Variants in XPR1 observed in about 807,000 individuals in gnomAD.
XPR1 encodes the protein solute carrier family 53 member 1.
In XPR1, 28 loss-of-function variants were observed where a neutral mutation model predicts 87.5. That is an observed-to-expected ratio of 0.32 (90% CI 0.24 to 0.44). The LOEUF (loss-of-function observed/expected upper bound fraction) is 0.44. XPR1 is among the 20% of genes least tolerant of loss of function. XPR1 has a pLI of 1.00. For synonymous variants in XPR1, 300 were observed against 306.1 expected (o/e 0.98, Z 0.21); for missense variants, 559 against 862.3 (o/e 0.65, Z 4.41).
At chr1:180,876,657 C>G (rs1164985392) in intron 13 of XPR1, among the ~76,000 whole-genome samples, 2 of 151,102 alleles carry the variant, frequency 1.3e-5, no homozygotes, top group East Asian at 3.9e-4. Flanking sequence ...AAGAAAGAAA[C>G]CTGTCTCACT....
intron 7 of XPR1, among the ~76,000 whole-genome samples, chr1:180,811,983 G>A (rs1650233627): frequency 6.6e-6 from 1 of 152,084 alleles, no homozygotes; most frequent in African/African-American, 2.4e-5. Context: ...AAAGAGATAG[G>A]AAGGATTCCT....
intron 2 of XPR1, among the ~76,000 whole-genome samples, chr1:180,684,894 A>G (rs1232134165): frequency 6.6e-6 from 1 of 152,184 alleles, no homozygotes; most frequent in Non-Finnish European, 1.5e-5. Flanking sequence ...GGCTGAGACG[A>G]TGAGGTTTTC....
chr1:180,640,189 C>G (rs568045154), intron 1 of XPR1, among the ~76,000 whole-genome samples: 1 of 152,216 alleles, frequency 6.6e-6, no homozygotes, highest in African/African-American at 2.4e-5. Flanking sequence ...TAAATGGAAC[C>G]AGAATTTGAA....
In XPR1 at chr1:180,834,976, A is replaced by C; in HGVS notation, c.1237A>C (p.Met413Leu). The C allele has an allele frequency of 6.2e-7, 1 of 1,614,120 alleles. No individual in the cohort carries two copies. Among genetic ancestry groups the C allele is most frequent in the Non-Finnish European group, 8.5e-7 (1 of 1,180,014 alleles). The change falls in exon 10 of 15, where the codon ATG (methionine) becomes CTG (leucine). Residue 413 changes from methionine (M) to leucine (L), a missense_variant. Met to Leu is a conservative substitution (Grantham distance 15). Coordinates refer to ENST00000367590, the MANE Select transcript of XPR1 (RefSeq NM_004736.4). ...LSVILMDLEY[M>L]ICFYSLELKW... Reference sequence around the variant, plus strand: ...AGTGATACTGATGGACCTGGAATATATGATCTGCTTCTACAGTTTGGAGCT... The same window carrying C: ...AGTGATACTGATGGACCTGGAATATCTGATCTGCTTCTACAGTTTGGAGCT...
chr1:180,830,967 TA>T (rs35823570), intron 9 of XPR1, among the ~76,000 whole-genome samples: 72,413 of 151,798 alleles, frequency 0.48, 17,730 homozygotes, highest in African/African-American at 0.5. Flanking sequence ...AATGCTTGCA[TA>T]AAGCCTTGAG....
chr1:180,844,250 T>G (rs982855849), intron 11 of XPR1, among the ~76,000 whole-genome samples: 1 of 152,200 alleles, frequency 6.6e-6, no homozygotes, highest in African/African-American at 2.4e-5. Context: ...ATACAGGAGT[T>G]TGTCTAATTG....
Position 180,824,758 on chromosome 1 carries a change from T to G in XPR1, c.769T>G (p.Phe257Val), listed in dbSNP as rs1050690187. 6.2e-7 allele frequency: 1 copy of G among 1,607,676 alleles called. No homozygotes were observed. Among genetic ancestry groups the G allele is most frequent in the Admixed American group, 1.7e-5 (1 of 58,326 alleles). ...ATATCTTAATATTCTTTCAGCTGTA[T>G]TTAAACTTGAAACAGATAGAAGTAT... Reference protein sequence around the residue: ...LNITLVLAAVFKLETDRSIWP... With the variant: ...LNITLVLAAVVKLETDRSIWP... The change falls in exon 8 of 15, where the codon TTT becomes GTT. Residue 257 changes from phenylalanine (F) to valine (V), a missense_variant. Physicochemically the swap from Phe to Val is conservative, Grantham distance 50. Coordinates refer to ENST00000367590, the MANE Select transcript of XPR1 (RefSeq NM_004736.4).
intron 11 of XPR1, among the ~76,000 whole-genome samples, chr1:180,856,004 T>G (rs985975977): frequency 6.6e-6 from 1 of 152,164 alleles, no homozygotes; most frequent in Non-Finnish European, 1.5e-5. Flanking sequence ...TACTGGCTCC[T>G]TCCTTCTAGC....
chr1:180,648,586 A>G (rs1655194013), intron 1 of XPR1, among the ~76,000 whole-genome samples: 1 of 152,200 alleles, frequency 6.6e-6, no homozygotes, highest in Non-Finnish European at 1.5e-5. Context: ...AGCTCACTGC[A>G]ACCTCCACCT....
intron 2 of XPR1, among the ~76,000 whole-genome samples, chr1:180,717,065 T>C (rs937974331): frequency 6.6e-6 from 1 of 152,210 alleles, no homozygotes; most frequent in African/African-American, 2.4e-5. Context: ...CAATCTCAGC[T>C]CACTACAACC....
intron 1 of XPR1, among the ~76,000 whole-genome samples, chr1:180,664,575 C>G (rs1655896177): frequency 1.3e-5 from 2 of 152,168 alleles, no homozygotes; most frequent in South Asian, 4.1e-4. Flanking sequence ...GAAGGGGTTT[C>G]TTTTGGAGCT....
At chr1:180,878,227 T>G (rs1288366161) in intron 13 of XPR1, 2 of 152,250 alleles carry the variant, frequency 1.3e-5, no homozygotes, top group Admixed American at 1.3e-4. Flanking sequence ...ACGATTTTCT[T>G]TTTAAAATCA....
chr1:180,816,306 C>T (rs542583161), intron 7 of XPR1, among the ~76,000 whole-genome samples: 3 of 152,194 alleles, frequency 2.0e-5, no homozygotes, highest in African/African-American at 4.8e-5. Flanking sequence ...CAATAGGGTT[C>T]GTTCTCCTCT....
chr1:180,824,589 T>C (rs550097689), intron 7 of XPR1, among the ~76,000 whole-genome samples, 164 bp from the exon 8 acceptor site: 2 of 149,628 alleles, frequency 1.3e-5, no homozygotes, highest in South Asian at 4.2e-4. Context: ...AAAAAATAAA[T>C]AGGTAGATAG....
intron 1 of XPR1, among the ~76,000 whole-genome samples, chr1:180,678,884 A>T (rs1225438156): frequency 2.0e-5 from 3 of 152,068 alleles, no homozygotes; most frequent in Non-Finnish European, 4.4e-5. Flanking sequence ...CCTTTTTGGT[A>T]TTTATATGCT....
chr1:180,715,527 A>G (rs1252651634), intron 2 of XPR1, among the ~76,000 whole-genome samples: 1 of 152,194 alleles, frequency 6.6e-6, no homozygotes, highest in Non-Finnish European at 1.5e-5. Flanking sequence ...CAGTTTCTGG[A>G]GGGCATTTCA....
At chr1:180,767,600 G>C (rs1648337114) in intron 2 of XPR1, among the ~76,000 whole-genome samples, 1 of 152,120 alleles carries the variant, frequency 6.6e-6, no homozygotes, top group Non-Finnish European at 1.5e-5. Flanking sequence ...GAACATGTAG[G>C]TGAAAGAACA....
intron 7 of XPR1, among the ~76,000 whole-genome samples, chr1:180,815,424 C>G (rs1236023114): frequency 6.6e-6 from 1 of 152,058 alleles, no homozygotes; most frequent in African/African-American, 2.4e-5. Context: ...AGCCAGCTGT[C>G]TATCCTTATT....
chr1:180,839,585 C>T (rs1373317424), intron 11 of XPR1, among the ~76,000 whole-genome samples: 1 of 152,112 alleles, frequency 6.6e-6, no homozygotes, highest in African/African-American at 2.4e-5. Flanking sequence ...AAAACTTACT[C>T]CTCTACCCTC....
Sources: gnomAD v4.1 joint callset for allele counts (sites outside exome capture counted in the v4.1 genomes callset) on GRCh38, gnomAD v4.1.1 for gene constraint, MANE v1.5 for transcripts, NCBI Gene and HGNC (gene_info 2026-07-23, HGNC 2026-07-21) for gene names.